Variants in PREX1 observed in about 807,000 individuals in gnomAD.
PREX1 encodes phosphatidylinositol 3,4,5-trisphosphate-dependent Rac exchanger 1 protein.
In PREX1, 41 loss-of-function variants were observed where a neutral mutation model predicts 198.3. That is an observed-to-expected ratio of 0.21 (90% confidence interval 0.16 to 0.27). The LOEUF is 0.27. Among genes scored for constraint, PREX1 ranks in the 10% least tolerant of loss-of-function variants. PREX1 has a pLI of 1.00. For missense variants in PREX1, 1,620 were observed against 2,200.7 expected (o/e 0.74, Z 5.28); for synonymous variants, 843 against 887.2 (o/e 0.95, Z 0.89).
chr20:48,634,578 G>C, intron 33 of PREX1, 98 bp downstream of exon 33: 1 of 1,245,908 alleles, frequency 8.0e-7, no homozygotes, highest in Non-Finnish European at 1.1e-6. Context: ...TTGGGCAGCT[G>C]GCCCAGAGGC....
chr20:48,745,264 A>G lies in PREX1; in HGVS notation c.292-117T>C. On this transcript the variant is annotated intron_variant, in intron 2 of 39. Transcript: ENST00000371941. ...ACATTGTAGTCAAAGAAGAACTCTC[A>G]AACACCGGAACTGGTTTACCACTAA... 2.7e-6 allele frequency: 3 copies of G among 1,122,180 alleles called. No individual in the cohort carries two copies. In the South Asian group the frequency reaches 5.3e-5, roughly 20 times the overall value. The allele number at this position is 1,122,180 out of a possible 1,614,324, so 69.5% of individuals were successfully genotyped here. A position where few individuals can be genotyped will look rare whatever the true frequency, so the allele number is the denominator to read the frequency against.
the PREX1 span, among the ~76,000 whole-genome samples, chr20:48,836,702 G>A: frequency 6.6e-6 from 1 of 152,040 alleles, no homozygotes; most frequent in Non-Finnish European, 1.5e-5. Flanking sequence ...ATCACTTGAG[G>A]TCAGGAGTTC....
intron 10 of PREX1, among the ~76,000 whole-genome samples, chr20:48,687,331 CCCG>C (rs2089791168): frequency 6.6e-6 from 1 of 152,256 alleles, no homozygotes; most frequent in African/African-American, 2.4e-5. Context: ...GCCTGCTCCT[CCCG>C]CCATCTTCTT....
intron 1 of PREX1, among the ~76,000 whole-genome samples, chr20:48,766,725 T>C (rs1406044758): frequency 2.0e-5 from 3 of 152,206 alleles, no homozygotes; most frequent in African/African-American, 7.2e-5. Context: ...GATGATTCAA[T>C]TAATAACAGG....
intron 9 of PREX1, among the ~76,000 whole-genome samples, chr20:48,690,045 C>G (rs138243598): frequency 6.6e-6 from 1 of 151,706 alleles, no homozygotes; most frequent in East Asian, 1.9e-4. Context: ...AGCTGTGGGG[C>G]GAAGGGAGGA....
upstream of PREX1, among the ~76,000 whole-genome samples, chr20:48,828,266 G>A (rs924717650): frequency 6.6e-6 from 1 of 151,662 alleles, no homozygotes. Context: ...CCGGGAGTCC[G>A]AGGCCGCGCG....
chr20:48,788,806 G>A (rs904935375), intron 1 of PREX1, among the ~76,000 whole-genome samples: 4 of 152,168 alleles, frequency 2.6e-5, no homozygotes, highest in African/African-American at 9.7e-5. Context: ...GGATTAACGG[G>A]CTAATGGATG....
rs563936361 is a variant in PREX1, at chr20:48,787,447, G to A, written c.220-39567C>T. Among the ~76,000 whole-genome samples, 126 of 151,964 alleles carry A rather than the reference G, an allele frequency of 8.3e-4. 1 individual carries two copies. The Middle Eastern group carries it at 0.01, about 12-fold the overall frequency. On this transcript the variant is annotated intron_variant, in intron 1 of 39. Coordinates refer to ENST00000371941, the MANE Select transcript of PREX1 (RefSeq NM_020820.4). Reference sequence around the variant, plus strand: ...CATTACAAGTGTTTGAAGGAACAGCGAATGCCCGCTGGCAGCAAACAGCCC... The same window carrying A: ...CATTACAAGTGTTTGAAGGAACAGCAAATGCCCGCTGGCAGCAAACAGCCC...
intron 10 of PREX1, among the ~76,000 whole-genome samples, chr20:48,683,040 T>C (rs948103858): frequency 2.0e-5 from 3 of 152,242 alleles, no homozygotes; most frequent in Non-Finnish European, 4.4e-5. Context: ...GAAATGCATC[T>C]GCTTTGTGGG....
At chr20:48,776,550 T>C (rs1291867534) in intron 1 of PREX1, among the ~76,000 whole-genome samples, 1 of 152,202 alleles carries the variant, frequency 6.6e-6, no homozygotes, top group Non-Finnish European at 1.5e-5. Context: ...TCAGGCTCCT[T>C]TCTAAAGCAC....
At chr20:48,726,933 T>C (rs533526728) in intron 4 of PREX1, among the ~76,000 whole-genome samples, 1 of 152,304 alleles carries the variant, frequency 6.6e-6, no homozygotes, top group Non-Finnish European at 1.5e-5. Flanking sequence ...TAAAATGAGA[T>C]AACCAGGGCC....
intron 28 of PREX1, 63 bp downstream of exon 28, chr20:48,642,344 G>A: frequency 6.2e-7 from 1 of 1,604,712 alleles, no homozygotes; most frequent in Non-Finnish European, 8.5e-7. Context: ...CCGGGTCATG[G>A]GCCCTCCCCA....
chr20:48,729,623 A>AT (rs1329703737), intron 4 of PREX1, among the ~76,000 whole-genome samples: 1 of 152,090 alleles, frequency 6.6e-6, no homozygotes, highest in Admixed American at 6.5e-5. Context: ...CTAAAGTCAT[A>AT]TTTGACTCCT....
the PREX1 span, among the ~76,000 whole-genome samples, chr20:48,847,364 T>TAAAAAAAAAAAAAACAA: frequency 1.3e-5 from 1 of 77,232 alleles, no homozygotes; most frequent in Non-Finnish European, 2.6e-5. Context: ...CCTTCTCTTA[T>TAAAAAAAAAAAAAACAA]AAAAAAAAAA....
chr20:48,855,387 A>G, the PREX1 span, among the ~76,000 whole-genome samples: 4 of 152,256 alleles, frequency 2.6e-5, no homozygotes, highest in East Asian at 7.7e-4. Flanking sequence ...GACCCTGGGT[A>G]CCAAGTCCAT....
At chr20:48,631,233 G>A (rs983554361) in intron 35 of PREX1, among the ~76,000 whole-genome samples, 6 of 152,206 alleles carry the variant, frequency 3.9e-5, no homozygotes, top group East Asian at 1.9e-4. Context: ...GGAAAGTCTC[G>A]ATCGCGGCCA....
chr20:48,661,912 T>C (rs1601055958), intron 15 of PREX1, among the ~76,000 whole-genome samples: 1 of 151,662 alleles, frequency 6.6e-6, no homozygotes, highest in South Asian at 2.1e-4. Context: ...TGGACAAAGG[T>C]GGAAATCAAG....
chr20:48,632,484 C>T lies in PREX1; in HGVS notation c.4411+12G>A, dbSNP rs376468264. The T allele has an allele frequency of 5.0e-6, 8 of 1,613,698 alleles. No homozygotes were observed. Among genetic ancestry groups the T allele is most frequent in the Non-Finnish European group, 5.9e-6 (7 of 1,179,952 alleles). ...CCCCCGTGGTCCTCCCTGCCCCAGGCCTGAAGCTCACCTTTCGTGAACAGC... is the reference window on the plus strand; with the variant it reads ...CCCCCGTGGTCCTCCCTGCCCCAGGTCTGAAGCTCACCTTTCGTGAACAGC... On this transcript the variant is annotated intron_variant, in intron 34 of 39. Coordinates refer to ENST00000371941, the MANE Select transcript of PREX1 (RefSeq NM_020820.4).
At chr20:48,852,689 C>T in the PREX1 span, among the ~76,000 whole-genome samples, 1 of 152,202 alleles carries the variant, frequency 6.6e-6, no homozygotes, top group Non-Finnish European at 1.5e-5. Flanking sequence ...CTCCCACACA[C>T]ACACCCAGTG....
Sources: gnomAD v4.1 joint callset for allele counts (sites outside exome capture counted in the v4.1 genomes callset) on GRCh38, gnomAD v4.1.1 for gene constraint, MANE v1.5 for transcripts, NCBI Gene and HGNC (gene_info 2026-07-23, HGNC 2026-07-21) for gene names.